TCTN2: variants seen among roughly 807,000 people sequenced by gnomAD.
TCTN2 encodes the protein tectonic-2.
Under a neutral mutation model 83.4 loss-of-function variants are expected in TCTN2, and 66 were observed. That is an observed-to-expected ratio of 0.79 (90% CI 0.65 to 0.97). The LOEUF (loss-of-function observed/expected upper bound fraction) is 0.97, where lower values mean the gene tolerates loss of function less well. Ranked by LOEUF, TCTN2 falls within the 50% of genes least tolerant of loss-of-function variation. TCTN2 has a pLI of 0.00. For missense variants in TCTN2, 794 were observed against 858.1 expected (o/e 0.93, Z 0.93); for synonymous variants, 301 against 326.7 (o/e 0.92, Z 0.85).
chr12:123,678,897 A>G (rs1260449909), intron 4 of TCTN2, among the ~76,000 whole-genome samples: 1 of 151,564 alleles, frequency 6.6e-6, no homozygotes, highest in African/African-American at 2.4e-5. Context: ...TCCCGGGTTC[A>G]CACCATTCTC....
At chr12:123,681,308 A>AATT (rs1955897205) in intron 5 of TCTN2, among the ~76,000 whole-genome samples, 1 of 151,922 alleles carries the variant, frequency 6.6e-6, no homozygotes, top group African/African-American at 2.4e-5. Context: ...ATTTTTAGTA[A>AATT]ATTTACACAG....
intron 5 of TCTN2, among the ~76,000 whole-genome samples, chr12:123,684,464 G>A (rs1372045167): frequency 6.7e-6 from 1 of 148,728 alleles, no homozygotes; most frequent in Admixed American, 6.8e-5. Context: ...ACAGTGGTGC[G>A]ATCTCGGCCC....
intron 5 of TCTN2, among the ~76,000 whole-genome samples, chr12:123,680,505 C>CT (rs1463291465): frequency 8.0e-6 from 1 of 124,790 alleles, no homozygotes; most frequent in South Asian, 2.5e-4. Flanking sequence ...ACTCTATTTT[C>CT]TTTCTTTTTT....
rs1353285853 is a variant in TCTN2, at chr12:123,704,686, A to G, written c.1767A>G (p.Thr589=). The G allele has an allele frequency of 1.2e-6, 2 of 1,613,620 alleles. No homozygotes were observed. The highest frequency in any genetic ancestry group is 1.7e-6 in the Non-Finnish European group (2 of 1,179,928). ...AGCAGGAGATACTCGGTGTAGAGAC[A>G]AGGTATGATCACATCTTGGATCACC... ...ITQQEILGVE[T]RFSSVNWQYQ... The change falls in exon 15 of 18, where the codon ACA becomes ACG. Residue 589 remains threonine (T), a splice_region_variant and synonymous_variant. Transcript: ENST00000303372.
At chr12:123,705,354 G>A (rs1267016758) in intron 15 of TCTN2, among the ~76,000 whole-genome samples, 1 of 151,984 alleles carries the variant, frequency 6.6e-6, no homozygotes, top group Non-Finnish European at 1.5e-5. Flanking sequence ...GTAAAGACAG[G>A]GTTTCACCCT....
At chr12:123,687,134 C>A (rs1021817522) in intron 6 of TCTN2, 99 bp downstream of exon 6, 2 of 1,398,324 alleles carry the variant, frequency 1.4e-6, no homozygotes, top group Non-Finnish European at 2.0e-6. Context: ...TTTTTCCCAA[C>A]CCCTCTCCAG....
At chr12:123,681,266 G>A (rs7970724) in intron 5 of TCTN2, among the ~76,000 whole-genome samples, 259 of 95,318 alleles carry the variant, frequency 2.7e-3, no homozygotes, top group African/African-American at 9.7e-3. Context: ...CAAAAAAAAA[G>A]AAAGAAAGAA....
At chr12:123,685,718 C>CTTTTT (rs3071665) in intron 5 of TCTN2, among the ~76,000 whole-genome samples, 1 of 109,452 alleles carries the variant, frequency 9.1e-6, no homozygotes, top group Admixed American at 1.0e-4. Context: ...TGCGCCCGGT[C>CTTTTT]TTTTTTTTTT....
At chr12:123,680,696 T>C (rs182986621) in intron 5 of TCTN2, among the ~76,000 whole-genome samples, 147 of 151,530 alleles carry the variant, frequency 9.7e-4, no homozygotes, top group South Asian at 2.7e-3. Flanking sequence ...TTTGTATTTT[T>C]AGTAGAGGCG....
chr12:123,690,776 A>G, intron 8 of TCTN2, 102 bp downstream of exon 8: 2 of 1,372,100 alleles, frequency 1.5e-6, no homozygotes, highest in Non-Finnish European at 2.1e-6. Flanking sequence ...ACTTCAAATA[A>G]TATTTGAACT....
At position 123,671,126 on chromosome 12, in the gene TCTN2, T is replaced by A. The variant is rs941153414; in HGVS notation, c.-115T>A. The A allele has an allele frequency of 9.5e-7, 1 of 1,049,904 alleles. No individual in the cohort carries two copies. Among genetic ancestry groups the A allele is most frequent in the East Asian group, 2.6e-5 (1 of 38,666 alleles). The allele number at this position is 1,049,904 out of a possible 1,614,324, so 65.0% of individuals were successfully genotyped here. On this transcript the variant is annotated 5_prime_UTR_variant, in exon 1 of 18. Transcript: ENST00000303372. ...TTGGTGGTTGCCATAGCTCCGGGCG[T>A]TCGCTTGCAAGATGGCGGCGGCGGG...
At chr12:123,694,476 G>C (rs770544777) in intron 9 of TCTN2, among the ~76,000 whole-genome samples, 5 of 152,246 alleles carry the variant, frequency 3.3e-5, no homozygotes, top group Non-Finnish European at 5.9e-5. Context: ...CTACGCCGTA[G>C]TAGGGAACTA....
chr12:123,680,844 A>G lies in TCTN2; in HGVS notation c.564+1555A>G, dbSNP rs556814130. ...AATTCAGTATTTTCTTATCTGGCAT[A>G]GTCAGTCTAGTTTTTGGAAGAAGGA... On this transcript the variant is annotated intron_variant, in intron 5 of 17. Coordinates refer to ENST00000303372, the MANE Select transcript of TCTN2 (RefSeq NM_024809.5). Among the ~76,000 whole-genome samples, 20 of 152,146 alleles carry G rather than the reference A, an allele frequency of 1.3e-4. No homozygotes were observed. In the South Asian group the frequency reaches 3.1e-3, roughly 24 times the overall value.
At chr12:123,687,089 G>A (rs1593847666) in intron 6 of TCTN2, 54 bp downstream of exon 6, 3 of 1,606,548 alleles carry the variant, frequency 1.9e-6, no homozygotes, top group Admixed American at 1.7e-5. Context: ...GCCCTGGTGG[G>A]GCCATACTCT....
intron 4 of TCTN2, among the ~76,000 whole-genome samples, chr12:123,674,973 G>A (rs1161105042): frequency 6.6e-6 from 1 of 152,144 alleles, no homozygotes. Context: ...AACCTTCCTG[G>A]TTCAGGCGAT....
intron 6 of TCTN2, 150 bp downstream of exon 6, chr12:123,687,185 G>A: frequency 1.1e-6 from 1 of 872,186 alleles, no homozygotes; most frequent in Non-Finnish European, 1.9e-6. Flanking sequence ...ATTTCAGTTA[G>A]CCAATTTATT....
intron 13 of TCTN2, 106 bp from the exon 14 acceptor site, chr12:123,699,598 A>G: frequency 1.1e-6 from 1 of 934,034 alleles, no homozygotes; most frequent in East Asian, 2.5e-5. Context: ...TTCCTCTGGC[A>G]GTTTTTAATT....
At chr12:123,680,769 G>A (rs1479815342) in intron 5 of TCTN2, among the ~76,000 whole-genome samples, 1 of 151,376 alleles carries the variant, frequency 6.6e-6, no homozygotes, top group African/African-American at 2.4e-5. Context: ...TGCCTACCTC[G>A]GCCTCCCAAA....
At position 123,692,660 on chromosome 12, in the gene TCTN2, A is replaced by G. The variant is rs763109281; in HGVS notation, c.1036A>G (p.Ile346Val). Reference sequence around the variant, plus strand: ...GTTAATTTATGTTATCTCTTTAGGCATAGTTACACCAAAAGTGATCTATGA... The same window carrying G: ...GTTAATTTATGTTATCTCTTTAGGCGTAGTTACACCAAAAGTGATCTATGA... ...AKIKNVALGG[I>V]VTPKVIYEEA... Residue 346 changes from isoleucine (I) to valine (V), a missense_variant and splice_region_variant, in exon 9 of 18, where the codon ATA becomes GTA. Transcript: ENST00000303372. 14 of 1,612,092 alleles carry G rather than the reference A, an allele frequency of 8.7e-6. No homozygotes were observed. The South Asian group carries it at 1.2e-4, about 14-fold the overall frequency.
Sources: allele counts gnomAD v4.1 joint callset (sites outside exome capture counted in the v4.1 genomes callset), GRCh38; gene constraint gnomAD v4.1.1; transcripts MANE v1.5; gene names NCBI Gene and HGNC (gene_info 2026-07-23, HGNC 2026-07-21).